The following DSCAML1 variants were observed in gnomAD, a reference collection of about 807,000 sequenced individuals.
DSCAML1 encodes DS cell adhesion molecule like 1, also known as cell adhesion molecule DSCAML1.
A neutral mutation model predicts 200.5 loss-of-function variants in DSCAML1; 38 were observed. The observed-to-expected ratio is 0.19, with a 90% CI of 0.15 to 0.25. The LOEUF (loss-of-function observed/expected upper bound fraction) is 0.25. Among genes scored for constraint, DSCAML1 ranks in the 10% least tolerant of loss-of-function variants. The pLI, the probability that DSCAML1 is intolerant of heterozygous loss-of-function variation, is 1.00. For missense variants in DSCAML1, 2,223 were observed against 2,858.8 expected (o/e 0.78, Z 5.07); for synonymous variants, 1,215 against 1,165.0 (o/e 1.04, Z -0.87).
At chr11:117,479,805 C>T (rs1215133449) in intron 14 of DSCAML1, among the ~76,000 whole-genome samples, 5 of 152,276 alleles carry the variant, frequency 3.3e-5, no homozygotes, top group African/African-American at 4.8e-5. Context: ...TGTGCCACCA[C>T]GCCTGGCTAA....
At chr11:117,679,924 C>T (rs1335444589) in intron 3 of DSCAML1, among the ~76,000 whole-genome samples, 1 of 152,162 alleles carries the variant, frequency 6.6e-6, no homozygotes, top group African/African-American at 2.4e-5. Flanking sequence ...GTCCAGGGAG[C>T]AGCAAGACTC....
Position 117,433,475 on chromosome 11 carries a change from C to A in DSCAML1, c.4877-4G>T. ...ATTTCTGCCAAACTCTTTGCATCTGCAAAACAGTAGAGGGAGAGGAGGGCT... is the reference window on the plus strand; with the variant it reads ...ATTTCTGCCAAACTCTTTGCATCTGAAAAACAGTAGAGGGAGAGGAGGGCT... On this transcript the variant is annotated splice_polypyrimidine_tract_variant and splice_region_variant and intron_variant, in intron 27 of 32. Coordinates refer to ENST00000651296, the MANE Select transcript of DSCAML1 (RefSeq NM_020693.4). 1 of 1,612,700 alleles carries A rather than the reference C, an allele frequency of 6.2e-7. No individual in the cohort carries two copies. Among genetic ancestry groups the A allele is most frequent in the Non-Finnish European group, 8.5e-7 (1 of 1,179,738 alleles).
At chr11:117,578,562 C>T (rs57426489) in intron 3 of DSCAML1, among the ~76,000 whole-genome samples, 9,895 of 152,046 alleles carry the variant, frequency 0.065, 1,085 homozygotes, top group African/African-American at 0.22. Context: ...CCTAGCTACT[C>T]GGGAGGCTGA....
At chr11:117,550,622 A>T (rs2050451255) in intron 3 of DSCAML1, among the ~76,000 whole-genome samples, 1 of 152,158 alleles carries the variant, frequency 6.6e-6, no homozygotes, top group Admixed American at 6.5e-5. Flanking sequence ...TTATCTTCTG[A>T]GCAAGGAGAC....
intron 3 of DSCAML1, among the ~76,000 whole-genome samples, chr11:117,662,459 T>C (rs1450739307): frequency 6.6e-6 from 1 of 152,222 alleles, no homozygotes; most frequent in Non-Finnish European, 1.5e-5. Flanking sequence ...AACTGCAGAC[T>C]TGGCTGTCTC....
At chr11:117,545,122 C>T (rs532450739) in intron 3 of DSCAML1, among the ~76,000 whole-genome samples, 3 of 151,916 alleles carry the variant, frequency 2.0e-5, no homozygotes, top group African/African-American at 4.8e-5. Flanking sequence ...CCCAGATACT[C>T]GGGAGGCCGA....
chr11:117,608,413 T>C (rs964010010), intron 3 of DSCAML1, among the ~76,000 whole-genome samples: 3 of 152,244 alleles, frequency 2.0e-5, no homozygotes, highest in Admixed American at 6.5e-5. Context: ...TATTAACATT[T>C]TGGTGTCTTT....
At chr11:117,479,250 G>A (rs1225454585) in intron 14 of DSCAML1, among the ~76,000 whole-genome samples, 5 of 152,242 alleles carry the variant, frequency 3.3e-5, no homozygotes, top group African/African-American at 9.6e-5. Flanking sequence ...AGGAGAAAAC[G>A]AAACCTTCCA....
chr11:117,618,341 T>A (rs1023827749), intron 3 of DSCAML1, among the ~76,000 whole-genome samples: 3 of 152,194 alleles, frequency 2.0e-5, no homozygotes, highest in African/African-American at 4.8e-5. Flanking sequence ...ATAAGAAAAG[T>A]CTTCCATATA....
chr11:117,796,701 C>T (rs980846486), intron 1 of DSCAML1, among the ~76,000 whole-genome samples: 2 of 152,350 alleles, frequency 1.3e-5, no homozygotes, highest in Admixed American at 6.5e-5. Flanking sequence ...CCCAGTGCCA[C>T]CAAGCCGCAG....
chr11:117,650,685 G>GTC, intron 3 of DSCAML1, among the ~76,000 whole-genome samples: 1 of 138,976 alleles, frequency 7.2e-6, no homozygotes, highest in East Asian at 2.0e-4. Flanking sequence ...GTGTGTGTGT[G>GTC]TGTGTGTGTG....
At chr11:117,757,707 A>G (rs572422028) in intron 3 of DSCAML1, among the ~76,000 whole-genome samples, 52 of 152,174 alleles carry the variant, frequency 3.4e-4, no homozygotes, top group African/African-American at 1.1e-3. Flanking sequence ...GCCGGGCATG[A>G]TGGCTCACAC....
chr11:117,575,781 A>G (rs575757511), intron 3 of DSCAML1, among the ~76,000 whole-genome samples: 10 of 152,186 alleles, frequency 6.6e-5, no homozygotes, highest in Non-Finnish European at 1.2e-4. Flanking sequence ...GCAGTGAGCC[A>G]TGATCATGCC....
rs547309837 is a variant in DSCAML1 at position 117,738,850 on chromosome 11, G to A, written c.511+37941C>T. ...GACAGTCTACTGGATGCAACTCCAA[G>A]TCTCTCTGCAGCAGTCCCTTTCCCT... On this transcript the variant is annotated intron_variant, in intron 3 of 32. Transcript: ENST00000651296. Among the ~76,000 whole-genome samples, 16 of 152,332 alleles carry A rather than the reference G, an allele frequency of 1.1e-4. No homozygotes were observed. The East Asian group carries it at 2.7e-3, about 26-fold the overall frequency.
rs139715614 is a variant in DSCAML1, at chr11:117,653,105, C to T, written c.512-120583G>A. On this transcript the variant is annotated intron_variant, in intron 3 of 32. Transcript: ENST00000651296. The stretch of plus-strand genomic sequence containing the variant: ...AGGCCCCTCCCCAACTTAGGACAAG[C>T]AGCACATTCCCTGGCTTTGCCGAGT... Among the ~76,000 whole-genome samples the T allele has an allele frequency of 1.9e-3, 286 of 152,206 alleles. 1 individual carries two copies. The highest frequency in any genetic ancestry group is 2.0e-3 in the Non-Finnish European group (135 of 67,998).
At chr11:117,749,339 C>T (rs575949963) in intron 3 of DSCAML1, among the ~76,000 whole-genome samples, 14 of 152,340 alleles carry the variant, frequency 9.2e-5, no homozygotes, top group African/African-American at 3.4e-4. Context: ...GCGGCATGTA[C>T]AGAGAACGAG....
chr11:117,591,316 G>A (rs958376386), intron 3 of DSCAML1, among the ~76,000 whole-genome samples: 3 of 152,106 alleles, frequency 2.0e-5, no homozygotes, highest in Admixed American at 6.6e-5. Context: ...TGGTCTGGCC[G>A]GGTTTCTCAC....
At chr11:117,720,572 C>T (rs1013114137) in intron 3 of DSCAML1, among the ~76,000 whole-genome samples, 1 of 152,222 alleles carries the variant, frequency 6.6e-6, no homozygotes, top group Non-Finnish European at 1.5e-5. Context: ...CACTTGCAAA[C>T]TCCATGCTTC....
At chr11:117,566,158 A>G (rs1320319176) in intron 3 of DSCAML1, among the ~76,000 whole-genome samples, 1 of 152,196 alleles carries the variant, frequency 6.6e-6, no homozygotes, top group Non-Finnish European at 1.5e-5. Flanking sequence ...TGTTTAATAG[A>G]TGAGGGGACG....
Sources: gnomAD v4.1 joint callset for allele counts (sites outside exome capture counted in the v4.1 genomes callset) on GRCh38, gnomAD v4.1.1 for gene constraint, MANE v1.5 for transcripts, NCBI Gene and HGNC (gene_info 2026-07-23, HGNC 2026-07-21) for gene names.